The following MKLN1 variants were observed in gnomAD, a reference collection of about 807,000 sequenced individuals.
The protein encoded by MKLN1 is muskelin.
A neutral mutation model predicts 99.0 loss-of-function variants in MKLN1; 18 were observed. That is an observed-to-expected ratio of 0.18 (90% CI 0.13 to 0.27). The LOEUF is 0.27. Ranked by LOEUF, MKLN1 falls within the 10% of genes least tolerant of loss-of-function variation. The probability of loss-of-function intolerance (pLI) is 1.00; values close to 1 mark genes in which losing one functional copy is unlikely to be tolerated. For missense variants in MKLN1, 621 were observed against 875.9 expected (o/e 0.71, Z 3.67); for synonymous variants, 288 against 293.2 (o/e 0.98, Z 0.18).
intron 2 of MKLN1, among the ~76,000 whole-genome samples, chr7:131,386,903 AT>A (rs1163553222): frequency 6.6e-6 from 1 of 152,166 alleles, no homozygotes; most frequent in Non-Finnish European, 1.5e-5. Flanking sequence ...GTTGGGGATA[AT>A]GTAGTTTTTG....
At chr7:131,336,411 C>T (rs1164518682) in intron 1 of MKLN1, among the ~76,000 whole-genome samples, 1 of 151,964 alleles carries the variant, frequency 6.6e-6, no homozygotes, top group African/African-American at 2.4e-5. Context: ...ATATATTTAG[C>T]TCATTAATGG....
chr7:131,148,854 C>T (rs551804512), intron 2 of MKLN1, among the ~76,000 whole-genome samples: 21 of 152,242 alleles, frequency 1.4e-4, no homozygotes, highest in East Asian at 5.8e-4. Context: ...GGCTCTGTGG[C>T]GAATCTGAGA....
At chr7:131,205,676 C>A (rs927492380) in intron 3 of MKLN1, among the ~76,000 whole-genome samples, 1 of 152,070 alleles carries the variant, frequency 6.6e-6, no homozygotes, top group Non-Finnish European at 1.5e-5. Context: ...CCCTTCAGAT[C>A]GCTGGAGGAA....
chr7:131,266,846 G>C (rs1022840351), intron 3 of MKLN1, among the ~76,000 whole-genome samples: 3 of 151,690 alleles, frequency 2.0e-5, no homozygotes, highest in African/African-American at 7.3e-5. Flanking sequence ...TAGCATTTTA[G>C]GTGGAAAGAA....
intron 1 of MKLN1, chr7:131,328,288 T>A (rs1467373397): frequency 5.3e-6 from 2 of 378,342 alleles, no homozygotes; most frequent in African/African-American, 4.2e-5. Context: ...ATTTGGGGGT[T>A]GAGGTTGAGG....
intron 17 of MKLN1, among the ~76,000 whole-genome samples, chr7:131,483,747 T>C (rs948010168): frequency 1.3e-5 from 2 of 152,214 alleles, no homozygotes; most frequent in African/African-American, 4.8e-5. Flanking sequence ...TTGTGGATAG[T>C]AAGAGCTGAA....
intron 3 of MKLN1, among the ~76,000 whole-genome samples, chr7:131,240,485 G>T (rs1797386759): frequency 6.7e-6 from 1 of 150,100 alleles, no homozygotes; most frequent in Admixed American, 6.6e-5. Context: ...TCCTCAAAAT[G>T]AAGAGAGATA....
intron 6 of MKLN1, among the ~76,000 whole-genome samples, chr7:131,404,036 G>A (rs986410412): frequency 3.3e-5 from 5 of 152,110 alleles, no homozygotes; most frequent in African/African-American, 4.8e-5. Flanking sequence ...ATGCAATTTT[G>A]TATTCCTTTT....
intron 2 of MKLN1, among the ~76,000 whole-genome samples, chr7:131,177,959 G>A (rs1322993369): frequency 6.6e-6 from 1 of 152,166 alleles, no homozygotes; most frequent in Non-Finnish European, 1.5e-5. Flanking sequence ...CCTTTAGTGT[G>A]TGGTACCCAT....
At chr7:131,450,912 TAC>T (rs1211671781) in intron 12 of MKLN1, among the ~76,000 whole-genome samples, 2 of 151,990 alleles carry the variant, frequency 1.3e-5, no homozygotes, top group Non-Finnish European at 2.9e-5. Context: ...TCAGCTGAAA[TAC>T]ACAGACTTGT....
intron 3 of MKLN1, among the ~76,000 whole-genome samples, chr7:131,210,857 T>C (rs924615644): frequency 6.1e-5 from 9 of 147,736 alleles, no homozygotes; most frequent in African/African-American, 2.3e-4. Flanking sequence ...AAGACTGACT[T>C]CCCTATTATT....
chr7:131,236,660 CAA>C (rs912512919), intron 3 of MKLN1, among the ~76,000 whole-genome samples: 3 of 150,904 alleles, frequency 2.0e-5, no homozygotes, highest in African/African-American at 7.3e-5. Context: ...GATTCCATCT[CAA>C]AAAAAAATTT....
intron 2 of MKLN1, 137 bp downstream of exon 2, chr7:131,375,630 T>G (rs990181256): frequency 1.8e-6 from 1 of 544,896 alleles, no homozygotes; most frequent in Admixed American, 3.4e-5. Flanking sequence ...TTCTCTCTAT[T>G]TTTGCTTGTT....
At chr7:131,223,917 C>A (rs928830373) in intron 3 of MKLN1, among the ~76,000 whole-genome samples, 5 of 152,082 alleles carry the variant, frequency 3.3e-5, no homozygotes, top group African/African-American at 1.2e-4. Flanking sequence ...CAGGCACACA[C>A]CACCACACCT....
chr7:131,128,865 G>C (rs947534739), intron 1 of MKLN1, among the ~76,000 whole-genome samples: 2 of 150,162 alleles, frequency 1.3e-5, no homozygotes, highest in Non-Finnish European at 2.9e-5. Flanking sequence ...CTCCGGAGTA[G>C]CTAGGACCAC....
chr7:131,130,389 A>C (rs73483210), intron 1 of MKLN1, among the ~76,000 whole-genome samples: 115 of 152,344 alleles, frequency 7.5e-4, no homozygotes, highest in African/African-American at 2.6e-3. Context: ...GGTTCACTTA[A>C]GTACTTCCAA....
chr7:131,449,961 G>T (rs538866309), intron 12 of MKLN1, among the ~76,000 whole-genome samples: 2 of 152,056 alleles, frequency 1.3e-5, no homozygotes, highest in African/African-American at 2.4e-5. Context: ...CTCTAGTTTC[G>T]ACTGGTGTTA....
chr7:131,328,351 T>G (rs2116683725), intron 1 of MKLN1: 2 of 253,810 alleles, frequency 7.9e-6, no homozygotes, highest in Non-Finnish European at 1.6e-5. Flanking sequence ...GGCGGGGCCC[T>G]GCCCGCGGGC....
At chr7:131,290,794 T>A (rs904196544) in intron 3 of MKLN1, among the ~76,000 whole-genome samples, 1 of 152,248 alleles carries the variant, frequency 6.6e-6, no homozygotes, top group African/African-American at 2.4e-5. Flanking sequence ...TAATTCCTAA[T>A]GAACATACTT....
Sources: gnomAD v4.1 joint callset for allele counts (sites outside exome capture counted in the v4.1 genomes callset) on GRCh38, gnomAD v4.1.1 for gene constraint, MANE v1.5 for transcripts, NCBI Gene and HGNC (gene_info 2026-07-23, HGNC 2026-07-21) for gene names.